The following ASPH variants were observed in gnomAD, a reference collection of about 807,000 sequenced individuals.
ASPH encodes aspartate beta-hydroxylase, also known as aspartyl/asparaginyl beta-hydroxylase.
A neutral mutation model predicts 118.4 loss-of-function variants in ASPH; 100 were observed. The ratio of observed to expected loss-of-function variants is 0.84; its 90% confidence interval spans 0.72 to 1.00. The LOEUF is 1.00. ASPH is among the 50% of genes least tolerant of loss of function. The pLI is 0.00. For missense variants in ASPH, 920 were observed against 919.5 expected (o/e 1.00, Z -0.01); for synonymous variants, 315 against 325.6 (o/e 0.97, Z 0.35).
chr8:61,644,716 C>A, intron 6 of ASPH, 84 bp from the exon 7 acceptor site: 1 of 1,012,758 alleles, frequency 9.9e-7, no homozygotes, highest in Admixed American at 2.8e-5. Flanking sequence ...TGAATCTATG[C>A]TTATCATTAA....
rs757839086 is a variant in ASPH, at chr8:61,618,929, AT to A, written c.976+48del. On this transcript the variant is annotated intron_variant, in intron 14 of 24. Coordinates refer to ENST00000379454, the MANE Select transcript of ASPH (RefSeq NM_004318.4). Reference sequence around the variant, plus strand: ...CTTGGATGGAACATAAAATCATGTTATTCTTTTCCCCATGTATATTTTAAAG... The same window carrying A: ...CTTGGATGGAACATAAAATCATGTTATCTTTTCCCCATGTATATTTTAAAG... 1.2e-4 allele frequency: 177 copies of A among 1,450,692 alleles called. No homozygotes were observed. In the African/African-American group the frequency reaches 1.8e-3, roughly 15 times the overall value. The allele number at this position is 1,450,692 out of a possible 1,614,324, so 89.9% of individuals were successfully genotyped here.
intron 19 of ASPH, among the ~76,000 whole-genome samples, chr8:61,555,078 G>A (rs532890588): frequency 3.9e-4 from 60 of 152,048 alleles, no homozygotes; most frequent in African/African-American, 1.4e-3. Context: ...GAATTGATGA[G>A]GATTTAATTA....
intron 3 of ASPH, chr8:61,658,199 C>G (rs1014262868): frequency 6.6e-6 from 1 of 152,192 alleles, no homozygotes; most frequent in Non-Finnish European, 1.5e-5. Flanking sequence ...AGTATACCAA[C>G]AGCAGTCTCG....
chr8:61,582,899 G>A (rs1373855693), intron 15 of ASPH: 1 of 152,102 alleles, frequency 6.6e-6, no homozygotes, highest in Non-Finnish European at 1.5e-5. Context: ...CAAAAACAAG[G>A]AGATGATTAA....
intron 14 of ASPH, among the ~76,000 whole-genome samples, chr8:61,611,019 G>A (rs1049799306): frequency 2.0e-5 from 3 of 152,186 alleles, no homozygotes; most frequent in Non-Finnish European, 4.4e-5. Context: ...TCAATAAGAT[G>A]AATGAATAAA....
chr8:61,678,935 C>T (rs1261705598), intron 3 of ASPH, among the ~76,000 whole-genome samples: 1 of 152,098 alleles, frequency 6.6e-6, no homozygotes, highest in African/African-American at 2.4e-5. Context: ...CCATTAAAGC[C>T]TCTGTACTCC....
At chr8:61,556,257 A>C (rs923452642) in intron 18 of ASPH, among the ~76,000 whole-genome samples, 1 of 152,222 alleles carries the variant, frequency 6.6e-6, no homozygotes, top group Non-Finnish European at 1.5e-5. Context: ...ATGGTTCTTC[A>C]AGAATGAAGA....
chr8:61,533,953 C>CTTTAT lies in ASPH; in HGVS notation c.1765-7846_1765-7842dup, dbSNP rs542464320. Among the ~76,000 whole-genome samples the CTTTAT allele has an allele frequency of 6.0e-4, 92 of 152,178 alleles. 1 individual carries two copies. The Middle Eastern group carries it at 0.027, about 45-fold the overall frequency. Reference sequence around the variant, plus strand: ...TCAGTTTGTTTAATCCTTCTTGACTCTTTATTTTTTTGAGACAGAGTTTTG... The same window carrying CTTTAT: ...TCAGTTTGTTTAATCCTTCTTGACTCTTTATTTTATTTTTTTGAGACAGAGTTTTG... On this transcript the variant is annotated intron_variant, in intron 21 of 24. Coordinates refer to ENST00000379454, the MANE Select transcript of ASPH (RefSeq NM_004318.4).
In ASPH at chr8:61,502,725, G is replaced by A. The variant is rs2129609974; in HGVS notation, c.*634C>T. ...TCAATCAAGATAAAAAAAACCAAAC[G>A]ATTTGAGAGTTGGGATGGGTACAGT... On this transcript the variant is annotated 3_prime_UTR_variant, in exon 25 of 25. Transcript: ENST00000379454. 1 of 152,150 alleles carries A rather than the reference G, an allele frequency of 6.6e-6. No homozygotes were observed. Among genetic ancestry groups the A allele is most frequent in the South Asian group, 2.1e-4 (1 of 4,816 alleles). The allele number at this position is 152,150 out of a possible 1,614,324, so 9.4% of individuals were successfully genotyped here.
chr8:61,693,925 C>T (rs1018074405), intron 1 of ASPH, among the ~76,000 whole-genome samples: 3 of 152,112 alleles, frequency 2.0e-5, no homozygotes, highest in Admixed American at 6.6e-5. Context: ...CACAAGTATC[C>T]CCCGCCACAG....
chr8:61,587,772 C>T (rs1470274256), intron 14 of ASPH, among the ~76,000 whole-genome samples: 3 of 152,040 alleles, frequency 2.0e-5, no homozygotes, highest in Non-Finnish European at 4.4e-5. Flanking sequence ...CAAATTTTAT[C>T]CTATTTTTAT....
chr8:61,638,089 A>G (rs947007594), intron 11 of ASPH, 86 bp from the exon 12 acceptor site: 1 of 1,369,318 alleles, frequency 7.3e-7, no homozygotes, highest in Non-Finnish European at 1.0e-6. Flanking sequence ...TCAGATTCCT[A>G]AATTAACTCG....
intron 3 of ASPH, chr8:61,656,206 T>C (rs1012941659): frequency 6.6e-6 from 1 of 152,202 alleles, no homozygotes; most frequent in Non-Finnish European, 1.5e-5. Context: ...AAAATTAGGT[T>C]ATGACATGAG....
chr8:61,582,039 G>A (rs750012568), intron 15 of ASPH, among the ~76,000 whole-genome samples: 4 of 152,154 alleles, frequency 2.6e-5, no homozygotes, highest in African/African-American at 4.8e-5. Context: ...GGCCTCGGCT[G>A]GTCCAGTGCA....
At chr8:61,638,058 C>G in intron 11 of ASPH, 55 bp from the exon 12 acceptor site, 1 of 1,488,900 alleles carries the variant, frequency 6.7e-7, no homozygotes, top group Non-Finnish European at 9.2e-7. Flanking sequence ...AGTGACACAT[C>G]TTACATTCAC....
intron 4 of ASPH, among the ~76,000 whole-genome samples, chr8:61,652,912 T>C (rs941709922): frequency 6.6e-6 from 1 of 152,212 alleles, no homozygotes; most frequent in Admixed American, 6.6e-5. Context: ...CCATTTGGAT[T>C]CAGTACTTAA....
At chr8:61,620,212 T>C (rs559095880) in intron 13 of ASPH, among the ~76,000 whole-genome samples, 52 of 152,302 alleles carry the variant, frequency 3.4e-4, no homozygotes, top group Admixed American at 7.2e-4. Flanking sequence ...AAGCACATCA[T>C]TTATGAATTC....
rs115956815 is a variant in ASPH at position 61,667,067 on chromosome 8, A to T, written c.323-13407T>A. On this transcript the variant is annotated intron_variant, in intron 3 of 24. Transcript: ENST00000379454. ...AGAGATAGGAGGTTAAACCATTAAAAGTTCCTGATCTTAAAATATAAATCA... is the reference window on the plus strand; with the variant it reads ...AGAGATAGGAGGTTAAACCATTAAATGTTCCTGATCTTAAAATATAAATCA... Among the ~76,000 whole-genome samples, 264 of 152,322 alleles carry T rather than the reference A, an allele frequency of 1.7e-3. 1 individual carries two copies. The highest frequency in any genetic ancestry group is 5.9e-3 in the African/African-American group (246 of 41,578).
chr8:61,682,435 C>T (rs1563569446), intron 2 of ASPH: 4 of 1,612,290 alleles, frequency 2.5e-6, no homozygotes, highest in Non-Finnish European at 3.4e-6. Flanking sequence ...CTCCAATAGC[C>T]TACCTTGAAG....
Sources: allele counts gnomAD v4.1 joint callset (sites outside exome capture counted in the v4.1 genomes callset), GRCh38; gene constraint gnomAD v4.1.1; transcripts MANE v1.5; gene names NCBI Gene and HGNC (gene_info 2026-07-23, HGNC 2026-07-21).